Variants in CNTNAP5 observed in about 807,000 individuals in gnomAD.
The protein encoded by CNTNAP5 is contactin-associated protein-like 5.
A neutral mutation model predicts 150.2 loss-of-function variants in CNTNAP5; 72 were observed. The ratio of observed to expected loss-of-function variants is 0.48; its 90% CI spans 0.40 to 0.58. The LOEUF is 0.58. Among genes scored for constraint, CNTNAP5 ranks in the 20% least tolerant of loss-of-function variants. CNTNAP5 has a pLI of 0.00. For missense variants in CNTNAP5, 1,636 were observed against 1,626.2 expected (o/e 1.01, Z -0.10); for synonymous variants, 672 against 619.8 (o/e 1.08, Z -1.25).
chr2:124,088,652 CA>C (rs1682750111), intron 1 of CNTNAP5, among the ~76,000 whole-genome samples: 1 of 151,806 alleles, frequency 6.6e-6, no homozygotes, highest in African/African-American at 2.4e-5. Context: ...TATAAAAATC[CA>C]AGCATTCTAT....
intron 5 of CNTNAP5, among the ~76,000 whole-genome samples, 196 bp downstream of exon 5, chr2:124,434,883 G>A (rs1692489795): frequency 6.6e-6 from 1 of 152,186 alleles, no homozygotes; most frequent in Admixed American, 6.5e-5. Context: ...AGGGAGAGTT[G>A]CAAACTCATT....
intron 18 of CNTNAP5, among the ~76,000 whole-genome samples, chr2:124,793,076 G>A (rs572737050): frequency 2.0e-5 from 3 of 152,292 alleles, no homozygotes; most frequent in Admixed American, 6.5e-5. Context: ...GTGTCAAACG[G>A]TAACTATAGG....
chr2:124,557,510 A>C (rs1179859078), intron 10 of CNTNAP5, among the ~76,000 whole-genome samples: 2 of 152,184 alleles, frequency 1.3e-5, no homozygotes, highest in African/African-American at 4.8e-5. Flanking sequence ...CATTCACTCA[A>C]TCTACAACAA....
intron 1 of CNTNAP5, among the ~76,000 whole-genome samples, chr2:124,108,964 C>T (rs1449859503): frequency 6.6e-6 from 1 of 152,092 alleles, no homozygotes; most frequent in Non-Finnish European, 1.5e-5. Flanking sequence ...TACTGAGACA[C>T]TATCACATTG....
chr2:124,671,449 G>T (rs1332475326), intron 13 of CNTNAP5, among the ~76,000 whole-genome samples: 1 of 152,034 alleles, frequency 6.6e-6, no homozygotes, highest in Admixed American at 6.6e-5. Flanking sequence ...GAGGATTAAA[G>T]AAAATTATTT....
chr2:124,558,617 C>T (rs1347198727), intron 10 of CNTNAP5, among the ~76,000 whole-genome samples: 1 of 152,184 alleles, frequency 6.6e-6, no homozygotes, highest in East Asian at 1.9e-4. Flanking sequence ...ATTCATATTT[C>T]TTCTGTGAAA....
intron 21 of CNTNAP5, among the ~76,000 whole-genome samples, chr2:124,889,560 G>A (rs1368124090): frequency 6.6e-6 from 1 of 151,970 alleles, no homozygotes; most frequent in Non-Finnish European, 1.5e-5. Context: ...TTCCTAGAGA[G>A]CTCTTTTCTA....
At chr2:124,316,490 G>T (rs1306588667) in intron 3 of CNTNAP5, among the ~76,000 whole-genome samples, 1 of 152,104 alleles carries the variant, frequency 6.6e-6, no homozygotes, top group Non-Finnish European at 1.5e-5. Flanking sequence ...TCTCATATTT[G>T]TGATATCTGC....
At chr2:124,629,335 GAAC>G (rs1160813804) in intron 12 of CNTNAP5, among the ~76,000 whole-genome samples, 1 of 151,954 alleles carries the variant, frequency 6.6e-6, no homozygotes. Context: ...AGCAAATGAA[GAAC>G]AACTGAAATT....
rs145211249 is a variant in CNTNAP5, at chr2:124,236,860, C to T, written c.188-5340C>T. On this transcript the variant is annotated intron_variant, in intron 2 of 23. Transcript: ENST00000682447. ...GATTAGGTGTGGCCAGGCATGGTGG[C>T]TCATGCCTATAATCCCAGCATTTTG... Among the ~76,000 whole-genome samples the T allele has an allele frequency of 8.0e-3, 1,211 of 152,114 alleles. 11 individuals are homozygous for T. Among genetic ancestry groups the T allele is most frequent in the African/African-American group, 0.027 (1,128 of 41,506 alleles).
intron 6 of CNTNAP5, among the ~76,000 whole-genome samples, chr2:124,467,781 C>T (rs1409090853): frequency 6.6e-6 from 1 of 152,116 alleles, no homozygotes; most frequent in African/African-American, 2.4e-5. Context: ...GGTGCAAATT[C>T]ACACTCATAT....
intron 7 of CNTNAP5, among the ~76,000 whole-genome samples, chr2:124,503,364 T>G (rs1334784094): frequency 6.6e-6 from 1 of 152,224 alleles, no homozygotes; most frequent in Non-Finnish European, 1.5e-5. Context: ...AGAACTGTAC[T>G]GCGTATCTAA....
intron 1 of CNTNAP5, among the ~76,000 whole-genome samples, chr2:124,075,833 TAAAGA>T (rs1682423849): frequency 6.6e-6 from 1 of 152,162 alleles, no homozygotes; most frequent in African/African-American, 2.4e-5. Flanking sequence ...ATTTGTGAAC[TAAAGA>T]GCTAGCAGCA....
chr2:124,036,232 T>A lies in CNTNAP5; in HGVS notation c.82+10500T>A, dbSNP rs567133252. 2.6e-4 allele frequency among the ~76,000 whole-genome samples: 39 copies of A among 152,246 alleles called. No individual in the cohort carries two copies. The South Asian group carries it at 7.7e-3, about 30-fold the overall frequency. ...AGCCACCGCGCCCGGCCTCCCAGGA[T>A]GAACTCTTAATCTGTGAACCGCATA... is the stretch of plus-strand genomic sequence containing the variant. On this transcript the variant is annotated intron_variant, in intron 1 of 23. Transcript: ENST00000682447.
chr2:124,838,781 C>G (rs763991070), intron 19 of CNTNAP5, among the ~76,000 whole-genome samples: 1 of 152,148 alleles, frequency 6.6e-6, no homozygotes, highest in Non-Finnish European at 1.5e-5. Context: ...GATTCTTCCC[C>G]TGTTGTGAAA....
At chr2:124,229,627 G>A (rs1206320244) in intron 2 of CNTNAP5, among the ~76,000 whole-genome samples, 1 of 152,180 alleles carries the variant, frequency 6.6e-6, no homozygotes, top group African/African-American at 2.4e-5. Flanking sequence ...TGTGGCTTAG[G>A]ACGGATCAGT....
Position 124,904,978 on chromosome 2 carries a change from C to T in CNTNAP5, c.3655+1878C>T, listed in dbSNP as rs1346501764. Among the ~76,000 whole-genome samples the T allele has an allele frequency of 5.5e-5, 8 of 145,908 alleles. No homozygotes were observed. In the East Asian group the frequency reaches 1.4e-3, roughly 26 times the overall value. ...AATTGGAAAAAGAAATGTTTTTAAA[C>T]CATATGACTGATGAAGGGTTAGTAT... On this transcript the variant is annotated intron_variant, in intron 22 of 23. Coordinates refer to ENST00000682447, the MANE Select transcript of CNTNAP5 (RefSeq NM_001367498.1).
chr2:124,669,482 G>A (rs2105055044), intron 13 of CNTNAP5, among the ~76,000 whole-genome samples: 1 of 152,278 alleles, frequency 6.6e-6, no homozygotes, highest in Non-Finnish European at 1.5e-5. Flanking sequence ...CAAGAAGAAG[G>A]TCTTAGGGCT....
At chr2:124,291,846 T>G (rs1316153676) in intron 3 of CNTNAP5, among the ~76,000 whole-genome samples, 1 of 152,236 alleles carries the variant, frequency 6.6e-6, no homozygotes, top group Non-Finnish European at 1.5e-5. Flanking sequence ...TTTGGCTTAT[T>G]CACATCTGTG....
Sources: gnomAD v4.1 joint callset for allele counts (sites outside exome capture counted in the v4.1 genomes callset) on GRCh38, gnomAD v4.1.1 for gene constraint, MANE v1.5 for transcripts, NCBI Gene and HGNC (gene_info 2026-07-23, HGNC 2026-07-21) for gene names.